Variants in NGLY1 observed in about 807,000 individuals in gnomAD.
NGLY1 encodes peptide-N(4)-(N-acetyl-beta-glucosaminyl)asparagine amidase.
In NGLY1, 68 loss-of-function variants were observed where a neutral mutation model predicts 84.6. That is an observed-to-expected ratio of 0.80 (90% CI 0.66 to 0.98). The LOEUF is 0.98. NGLY1 is among the 50% of genes least tolerant of loss of function. The pLI, the probability that NGLY1 is intolerant of heterozygous loss-of-function variation, is 0.00. For synonymous variants in NGLY1, 280 were observed against 275.2 expected, an observed-to-expected ratio of 1.02 and a Z score of -0.17; for missense variants, 779 against 770.2, an observed-to-expected ratio of 1.01 and a Z score of -0.14.
intron 10 of NGLY1, among the ~76,000 whole-genome samples, chr3:25,726,561 T>C (rs1389167507): frequency 6.6e-6 from 1 of 152,068 alleles, no homozygotes; most frequent in Non-Finnish European, 1.5e-5. Context: ...TATAGGAGGT[T>C]CTGTGAAGAA....
intron 3 of NGLY1, among the ~76,000 whole-genome samples, chr3:25,756,919 T>G (rs1047267794): frequency 6.6e-6 from 1 of 152,232 alleles, no homozygotes; most frequent in Non-Finnish European, 1.5e-5. Context: ...TTTCCTCTTA[T>G]ACACATCTTA....
chr3:25,748,042 A>T (rs1160383598), intron 4 of NGLY1, among the ~76,000 whole-genome samples: 1 of 152,176 alleles, frequency 6.6e-6, no homozygotes, highest in African/African-American at 2.4e-5. Context: ...CTTCACAATT[A>T]AGGCCTCTCC....
intron 3 of NGLY1, among the ~76,000 whole-genome samples, chr3:25,754,194 TATAACGGTTAAAAATTAATCATA>T (rs1442026952): frequency 2.0e-5 from 3 of 152,236 alleles, no homozygotes; most frequent in Non-Finnish European, 4.4e-5. Context: ...GTGCTGGGGA[TATAACGGTTAAAAATTAATCATA>T]GGGATAAATA....
intron 4 of NGLY1, 106 bp downstream of exon 4, chr3:25,750,992 A>G: frequency 9.2e-7 from 1 of 1,090,952 alleles, no homozygotes; most frequent in East Asian, 2.6e-5. Context: ...AAGTGGACCC[A>G]TGCAGTTCAA....
At chr3:25,723,828 C>T (rs1210939495) in intron 10 of NGLY1, among the ~76,000 whole-genome samples, 1 of 146,908 alleles carries the variant, frequency 6.8e-6, no homozygotes, top group Non-Finnish European at 1.5e-5. Flanking sequence ...GTGAGTGTTG[C>T]TATCCTACTT....
At chr3:25,782,247 G>A (rs1708452838) in intron 1 of NGLY1, among the ~76,000 whole-genome samples, 1 of 152,110 alleles carries the variant, frequency 6.6e-6, no homozygotes, top group South Asian at 2.1e-4. Context: ...ATTGGGTCAC[G>A]TGAAACCTAT....
intron 4 of NGLY1, chr3:25,749,491 GC>G: frequency 6.4e-7 from 1 of 1,565,864 alleles, no homozygotes; most frequent in South Asian, 1.1e-5. Flanking sequence ...CGGCCTCATG[GC>G]CGCCCTCAGA....
chr3:25,781,855 C>T (rs1195137298), intron 1 of NGLY1, among the ~76,000 whole-genome samples: 1 of 152,168 alleles, frequency 6.6e-6, no homozygotes, highest in Non-Finnish European at 1.5e-5. Flanking sequence ...ATTACAAGGC[C>T]ACCTCTCTTT....
chr3:25,725,673 G>C (rs1341297375), intron 10 of NGLY1, among the ~76,000 whole-genome samples: 1 of 152,086 alleles, frequency 6.6e-6, no homozygotes, highest in African/African-American at 2.4e-5. Context: ...AGAATTGCTT[G>C]CTTGCTTATT....
intron 4 of NGLY1, chr3:25,750,037 T>G (rs1163970382): frequency 2.0e-6 from 1 of 495,024 alleles, no homozygotes; most frequent in African/African-American, 2.0e-5. Flanking sequence ...TACCTGCAAC[T>G]GGGTAATTTA....
At chr3:25,721,914 C>T (rs895765401) in intron 10 of NGLY1, among the ~76,000 whole-genome samples, 1 of 151,740 alleles carries the variant, frequency 6.6e-6, no homozygotes, top group Admixed American at 6.6e-5. Context: ...GGCACAGTTT[C>T]TGGATTCATA....
chr3:25,723,839 T>C (rs7647471), intron 10 of NGLY1, among the ~76,000 whole-genome samples: 4 of 152,172 alleles, frequency 2.6e-5, no homozygotes, highest in African/African-American at 7.2e-5. Flanking sequence ...TATCCTACTT[T>C]AGCAGGAGTG....
intron 9 of NGLY1, among the ~76,000 whole-genome samples, chr3:25,730,841 T>G (rs562790383): frequency 6.6e-6 from 1 of 152,246 alleles, no homozygotes; most frequent in South Asian, 2.1e-4. Flanking sequence ...TGGAACTGCT[T>G]GATACTGATA....
At chr3:25,735,181 T>A (rs895552454) in intron 7 of NGLY1, 2 of 151,964 alleles carry the variant, frequency 1.3e-5, no homozygotes, top group Non-Finnish European at 2.9e-5. Context: ...AAATATAACA[T>A]CAAAAAGCAC....
At chr3:25,775,738 C>G (rs1193020990) in intron 2 of NGLY1, among the ~76,000 whole-genome samples, 3 of 152,048 alleles carry the variant, frequency 2.0e-5, no homozygotes, top group Admixed American at 6.6e-5. Flanking sequence ...TTAATGGGCA[C>G]AAAATTACAG....
intron 3 of NGLY1, among the ~76,000 whole-genome samples, chr3:25,757,924 A>G (rs1270766479): frequency 1.3e-5 from 2 of 152,158 alleles, no homozygotes; most frequent in African/African-American, 4.8e-5. Flanking sequence ...TGGCACCCGC[A>G]CTCCTACTTC....
At chr3:25,787,804 G>T (rs1437176365), upstream of NGLY1, among the ~76,000 whole-genome samples, 2 of 152,130 alleles carry the variant, frequency 1.3e-5, no homozygotes, top group African/African-American at 2.4e-5. Context: ...GTTTACTGTT[G>T]CTTTGTCCCA....
intron 2 of NGLY1, among the ~76,000 whole-genome samples, chr3:25,769,477 G>C (rs982888700): frequency 3.3e-5 from 5 of 152,180 alleles, no homozygotes; most frequent in Non-Finnish European, 7.3e-5. Context: ...CTAATTATCA[G>C]AGAAAGGAAA....
Position 25,790,011 on chromosome 3 carries a change from A to G in NGLY1, c.-146T>C, listed in dbSNP as rs879134148. On this transcript the variant is annotated 5_prime_UTR_variant, in exon 1 of 12. Coordinates refer to the NGLY1 transcript ENST00000417874. ...GCTTAAAGTCAACCGGCGGAAAGAG[A>G]GTCGAACGGGACGCGTGCGTGGGAA... is the stretch of plus-strand genomic sequence containing the variant. The G allele has an allele frequency of 2.4e-5, 24 of 987,302 alleles. No homozygotes were observed. In the South Asian group the frequency reaches 3.3e-4, roughly 14 times the overall value. The allele number at this position is 987,302 out of a possible 1,614,324, so 61.2% of individuals were successfully genotyped here.
Sources: allele counts gnomAD v4.1 joint callset (sites outside exome capture counted in the v4.1 genomes callset), GRCh38; gene constraint gnomAD v4.1.1; transcripts MANE v1.5; gene names NCBI Gene and HGNC (gene_info 2026-07-23, HGNC 2026-07-21).